Variants in LRP6 observed in about 807,000 individuals in gnomAD.
LRP6 encodes low-density lipoprotein receptor-related protein 6.
In LRP6, 43 loss-of-function variants were observed where a neutral mutation model predicts 184.1. The observed-to-expected ratio is 0.23, with a 90% CI of 0.18 to 0.30. The LOEUF is 0.30. Ranked by LOEUF, LRP6 falls within the 10% of genes least tolerant of loss-of-function variation. LRP6 has a pLI of 1.00. For missense variants in LRP6, 1,571 were observed against 2,005.3 expected (o/e 0.78, Z 4.14); for synonymous variants, 719 against 684.9 (o/e 1.05, Z -0.78).
intron 1 of LRP6, among the ~76,000 whole-genome samples, chr12:12,251,483 C>A (rs1197342150): frequency 1.3e-5 from 2 of 152,104 alleles, no homozygotes. Context: ...CCTGCCTCAG[C>A]CTCCCGAGTA....
chr12:12,130,018 T>C (rs1489382600), intron 19 of LRP6, among the ~76,000 whole-genome samples: 1 of 152,112 alleles, frequency 6.6e-6, no homozygotes, highest in Non-Finnish European at 1.5e-5. Flanking sequence ...GCTATGTGTT[T>C]TTTAGGCTAA....
At chr12:12,142,275 G>A (rs749135649) in intron 15 of LRP6, among the ~76,000 whole-genome samples, 3 of 152,036 alleles carry the variant, frequency 2.0e-5, no homozygotes, top group Admixed American at 6.6e-5. Flanking sequence ...ATTAGCTGGC[G>A]GTAATGAAAG....
At chr12:12,249,964 CT>C (rs1332423445) in intron 1 of LRP6, among the ~76,000 whole-genome samples, 2 of 152,314 alleles carry the variant, frequency 1.3e-5, no homozygotes, top group African/African-American at 4.8e-5. Flanking sequence ...CCCTTTTCCC[CT>C]AGTCTGACAA....
chr12:12,195,438 C>T (rs992942035), intron 3 of LRP6, among the ~76,000 whole-genome samples: 1 of 151,956 alleles, frequency 6.6e-6, no homozygotes, highest in African/African-American at 2.4e-5. Context: ...TTTGCATTTC[C>T]TGGATGATTT....
chr12:12,177,135 C>T (rs532928735), intron 7 of LRP6, among the ~76,000 whole-genome samples: 6 of 152,144 alleles, frequency 3.9e-5, no homozygotes, highest in South Asian at 2.1e-4. Context: ...TGTGAGCCAC[C>T]GCGCCCGGCC....
At chr12:12,186,770 T>C (rs1863486543) in intron 4 of LRP6, 153 bp downstream of exon 4, 1 of 720,120 alleles carries the variant, frequency 1.4e-6, no homozygotes, top group Non-Finnish European at 2.4e-6. Context: ...GTGATTCTCT[T>C]GCCTCAGCCT....
At chr12:12,132,847 T>C (rs1591869258) in intron 17 of LRP6, among the ~76,000 whole-genome samples, 1 of 152,262 alleles carries the variant, frequency 6.6e-6, no homozygotes, top group East Asian at 1.9e-4. Flanking sequence ...TTGTTTTGAG[T>C]TGTAAATCCA....
At chr12:12,266,603 C>A in intron 1 of LRP6, 78 bp downstream of exon 1, 1 of 1,129,244 alleles carries the variant, frequency 8.9e-7, no homozygotes, top group Non-Finnish European at 1.3e-6. Context: ...CTCCGTCCCT[C>A]CCCTCCCCCT....
chr12:12,248,724 C>A (rs1315363883), intron 1 of LRP6, among the ~76,000 whole-genome samples: 1 of 152,064 alleles, frequency 6.6e-6, no homozygotes, highest in African/African-American at 2.4e-5. Context: ...TCGTGATCCG[C>A]CCGCCTCGGC....
chr12:12,162,110 AT>A, intron 10 of LRP6, 82 bp downstream of exon 10: 1 of 1,069,184 alleles, frequency 9.4e-7, no homozygotes, highest in Non-Finnish European at 1.5e-6. Flanking sequence ...TATTTAAAAC[AT>A]TAAGAATATC....
At chr12:12,186,552 T>A (rs536359677) in intron 4 of LRP6, among the ~76,000 whole-genome samples, 1 of 150,712 alleles carries the variant, frequency 6.6e-6, no homozygotes, top group Admixed American at 6.6e-5. Context: ...TTAATTTTTG[T>A]ATTTTTTAGT....
At chr12:12,198,816 G>T (rs1863839589) in intron 3 of LRP6, among the ~76,000 whole-genome samples, 1 of 151,990 alleles carries the variant, frequency 6.6e-6, no homozygotes, top group African/African-American at 2.4e-5. Flanking sequence ...TTATAGGCGT[G>T]AGTCATTTCT....
intron 3 of LRP6, among the ~76,000 whole-genome samples, chr12:12,189,383 T>C (rs962547557): frequency 6.6e-6 from 1 of 152,266 alleles, no homozygotes; most frequent in African/African-American, 2.4e-5. Flanking sequence ...ATATTTTCAA[T>C]ATTTTAACAT....
chr12:12,183,104 G>A (rs1002101870), intron 5 of LRP6, among the ~76,000 whole-genome samples: 8 of 152,190 alleles, frequency 5.3e-5, no homozygotes, highest in Non-Finnish European at 1.0e-4. Flanking sequence ...ATTTATCAAT[G>A]CCAAGTCATA....
Position 12,155,505 on chromosome 12 carries a change from G to A in LRP6, c.2791+3324C>T, listed in dbSNP as rs141404358. On this transcript the variant is annotated intron_variant, in intron 12 of 22. Transcript: ENST00000261349. ...ATTGTTGTAAACAAAAAAGTTAAGG[G>A]CAAGATTCTTGCCAACAGAATTAAT... The A allele has an allele frequency of 1.6e-4, 130 of 804,648 alleles. No individual in the cohort carries two copies. The African/African-American group carries it at 1.7e-3, about 10-fold the overall frequency. The allele number at this position is 804,648 out of a possible 1,614,324, so 49.8% of individuals were successfully genotyped here.
chr12:12,208,765 A>T (rs927032036), intron 2 of LRP6, among the ~76,000 whole-genome samples: 2 of 152,250 alleles, frequency 1.3e-5, no homozygotes, highest in Non-Finnish European at 2.9e-5. Flanking sequence ...CTACAAGAAG[A>T]GAAAGAAGTA....
rs1949535121 is a variant in LRP6 at position 12,117,550 on chromosome 12, A to C, written c.*3576T>G. On this transcript the variant is annotated 3_prime_UTR_variant, in exon 23 of 23. Transcript: ENST00000261349. ...TCCCCTACAAGAAATAAAACAATTC[A>C]AAATATGACATTTCTAAGAATCTAA... The C allele has an allele frequency of 6.6e-6, 1 of 152,260 alleles. No homozygotes were observed. Among genetic ancestry groups the C allele is most frequent in the Non-Finnish European group, 1.5e-5 (1 of 68,032 alleles). The allele number at this position is 152,260 out of a possible 1,614,324, so 9.4% of individuals were successfully genotyped here. A position where few individuals can be genotyped will look rare whatever the true frequency, so the allele number is the denominator to read the frequency against.
At chr12:12,160,109 G>T in intron 10 of LRP6, 145 bp from the exon 11 acceptor site, 1 of 628,508 alleles carries the variant, frequency 1.6e-6, no homozygotes, top group African/African-American at 1.8e-5. Context: ...CGGCTACAAT[G>T]CTTTCAATTA....
At chr12:12,171,088 A>T (rs761401605) in intron 7 of LRP6, among the ~76,000 whole-genome samples, 13 of 151,334 alleles carry the variant, frequency 8.6e-5, no homozygotes, top group Admixed American at 2.6e-4. Flanking sequence ...AAAACTAGGT[A>T]GTTCATGGTC....
Sources: allele counts gnomAD v4.1 joint callset (sites outside exome capture counted in the v4.1 genomes callset), GRCh38; gene constraint gnomAD v4.1.1; transcripts MANE v1.5; gene names NCBI Gene and HGNC (gene_info 2026-07-23, HGNC 2026-07-21).